TYW1: variants seen among roughly 807,000 people sequenced by gnomAD.
TYW1 encodes the protein tRNA-yW synthesizing protein 1 homolog.
In TYW1, 46 loss-of-function variants were observed where a neutral mutation model predicts 96.2. The observed-to-expected ratio is 0.48, with a 90% CI of 0.38 to 0.61. The LOEUF (loss-of-function observed/expected upper bound fraction) is 0.61, where lower values mean the gene tolerates loss of function less well. Among genes scored for constraint, TYW1 ranks in the 20% least tolerant of loss-of-function variants. The pLI is 0.00. For synonymous variants in TYW1, 274 were observed against 323.0 expected (o/e 0.85, Z 1.63); for missense variants, 684 against 909.6 (o/e 0.75, Z 3.19).
intron 13 of TYW1, among the ~76,000 whole-genome samples, chr7:67,157,334 G>C (rs1799015195): frequency 6.6e-6 from 1 of 152,178 alleles, no homozygotes; most frequent in Admixed American, 6.5e-5. Context: ...CACCCAGGCT[G>C]GAGTGCAATG....
chr7:67,054,073 T>C (rs1412772047), intron 8 of TYW1, among the ~76,000 whole-genome samples: 1 of 152,248 alleles, frequency 6.6e-6, no homozygotes, highest in Non-Finnish European at 1.5e-5. Context: ...CCATCCTTTG[T>C]TGCCTGATGT....
At chr7:67,164,608 CA>C (rs68160921) in intron 13 of TYW1, among the ~76,000 whole-genome samples, 8,516 of 113,732 alleles carry the variant, frequency 0.075, 468 homozygotes, top group East Asian at 0.24. Flanking sequence ...AAAACTGTCT[CA>C]AAAAAAAAAA....
chr7:67,123,382 C>T (rs1170744318), intron 13 of TYW1, among the ~76,000 whole-genome samples: 2 of 152,186 alleles, frequency 1.3e-5, no homozygotes, highest in Non-Finnish European at 2.9e-5. Context: ...GACTGCTGTG[C>T]TTGATTTGTG....
chr7:67,043,928 G>A (rs1795103930), intron 7 of TYW1, among the ~76,000 whole-genome samples: 1 of 152,116 alleles, frequency 6.6e-6, no homozygotes, highest in Non-Finnish European at 1.5e-5. Context: ...TGACTAGTGA[G>A]TGATATCTTG....
chr7:67,041,494 C>G (rs1795020175), intron 7 of TYW1, among the ~76,000 whole-genome samples: 1 of 151,978 alleles, frequency 6.6e-6, no homozygotes, highest in Admixed American at 6.6e-5. Context: ...GAGACAGTGC[C>G]TCGCCATGTT....
chr7:67,190,218 A>ATAC (rs1333049761), intron 14 of TYW1, among the ~76,000 whole-genome samples: 1 of 152,232 alleles, frequency 6.6e-6, no homozygotes, highest in African/African-American at 2.4e-5. Flanking sequence ...TTTTTCTTGT[A>ATAC]TGTAGCAGTC....
chr7:67,126,667 CT>C (rs1454902730), intron 13 of TYW1, among the ~76,000 whole-genome samples: 1 of 151,842 alleles, frequency 6.6e-6, no homozygotes, highest in Non-Finnish European at 1.5e-5. Flanking sequence ...CGTCTAGATT[CT>C]TTTTTTTGCA....
chr7:67,071,855 C>T (rs1166114717), intron 10 of TYW1, among the ~76,000 whole-genome samples: 9 of 152,134 alleles, frequency 5.9e-5, no homozygotes, highest in Non-Finnish European at 1.2e-4. Flanking sequence ...CTCCTGGCCT[C>T]AAGTGATCCA....
chr7:67,055,386 C>T lies in TYW1; in HGVS notation c.1103-449C>T, dbSNP rs372330398. On this transcript the variant is annotated intron_variant, in intron 8 of 15. Coordinates refer to ENST00000359626, the MANE Select transcript of TYW1 (RefSeq NM_018264.4). Reference sequence around the variant, plus strand: ...CGGAGGTAGATGGATCACTTGAGGACAGGAGTTCGAGACCAGCCTGGCCAA... The same window carrying T: ...CGGAGGTAGATGGATCACTTGAGGATAGGAGTTCGAGACCAGCCTGGCCAA... Among the ~76,000 whole-genome samples the T allele has an allele frequency of 5.3e-5, 8 of 152,096 alleles. No homozygotes were observed. In the South Asian group the frequency reaches 1.0e-3, roughly 20 times the overall value.
At chr7:67,057,729 CT>C (rs1233809831) in intron 9 of TYW1, among the ~76,000 whole-genome samples, 1 of 152,136 alleles carries the variant, frequency 6.6e-6, no homozygotes, top group Non-Finnish European at 1.5e-5. Context: ...CTGTTCACAT[CT>C]TTGTTCAAAC....
chr7:67,111,471 G>T (rs1472972277), intron 12 of TYW1, among the ~76,000 whole-genome samples: 1 of 152,128 alleles, frequency 6.6e-6, no homozygotes, highest in Non-Finnish European at 1.5e-5. Context: ...AAAGTGGTGG[G>T]ATTACAGGCG....
intron 10 of TYW1, among the ~76,000 whole-genome samples, chr7:67,074,089 GAAATA>G (rs916145014): frequency 1.4e-5 from 2 of 139,218 alleles, no homozygotes; most frequent in Non-Finnish European, 3.1e-5. Context: ...AAAAAAAAAA[GAAATA>G]AAATGTGACC....
At chr7:67,017,135 A>G (rs1794053846) in intron 5 of TYW1, among the ~76,000 whole-genome samples, 1 of 151,932 alleles carries the variant, frequency 6.6e-6, no homozygotes, top group Non-Finnish European at 1.5e-5. Flanking sequence ...GGCATGTGCC[A>G]CCATGCCCCA....
chr7:67,056,591 C>T (rs181113214), intron 9 of TYW1, among the ~76,000 whole-genome samples: 4 of 151,932 alleles, frequency 2.6e-5, no homozygotes, highest in African/African-American at 7.2e-5. Flanking sequence ...GAGATGCATC[C>T]GTGTCGTATC....
At chr7:67,152,812 T>G (rs1441198587) in intron 13 of TYW1, among the ~76,000 whole-genome samples, 1 of 152,054 alleles carries the variant, frequency 6.6e-6, no homozygotes, top group African/African-American at 2.4e-5. Flanking sequence ...TGTTAGCCAG[T>G]TTGGTCTTGA....
chr7:67,009,168 C>G (rs569484502), intron 3 of TYW1, among the ~76,000 whole-genome samples: 1 of 152,164 alleles, frequency 6.6e-6, no homozygotes, highest in South Asian at 2.1e-4. Context: ...TGCCATCACA[C>G]CTGGCTAATT....
intron 8 of TYW1, among the ~76,000 whole-genome samples, chr7:67,053,275 C>T (rs1230964144): frequency 3.9e-5 from 6 of 152,020 alleles, no homozygotes; most frequent in Admixed American, 3.9e-4. Flanking sequence ...GATTTCTAGT[C>T]TGACTGGCAG....
intron 15 of TYW1, among the ~76,000 whole-genome samples, chr7:67,235,101 A>G (rs1801842805): frequency 6.6e-6 from 1 of 152,174 alleles, no homozygotes; most frequent in Admixed American, 6.6e-5. Context: ...CTTCAGATCT[A>G]GAAATCAAAA....
intron 15 of TYW1, among the ~76,000 whole-genome samples, chr7:67,234,365 AAGG>A (rs1273608792): frequency 6.6e-6 from 1 of 150,862 alleles, no homozygotes; most frequent in Non-Finnish European, 1.5e-5. Context: ...AAAAAAAAAA[AAGG>A]AAGAAGAGAC....
Sources: allele counts gnomAD v4.1 joint callset (sites outside exome capture counted in the v4.1 genomes callset), GRCh38; gene constraint gnomAD v4.1.1; transcripts MANE v1.5; gene names NCBI Gene and HGNC (gene_info 2026-07-23, HGNC 2026-07-21).